The following TRIM54 variants were observed in gnomAD, a reference collection of about 807,000 sequenced individuals.
The protein encoded by TRIM54 is tripartite motif containing 54.
TRIM54 carries 40 observed loss-of-function variants against 42.0 expected under a neutral mutation model. That is an observed-to-expected ratio of 0.95 (90% CI 0.74 to 1.24). The LOEUF (loss-of-function observed/expected upper bound fraction) is 1.24. Ranked by LOEUF, TRIM54 falls within the 50% of genes most tolerant of loss-of-function variation. The pLI, the probability that TRIM54 is intolerant of heterozygous loss-of-function variation, is 0.00. For missense variants in TRIM54, 485 were observed against 480.3 expected, an observed-to-expected ratio of 1.01 and a Z score of -0.09; for synonymous variants, 199 against 194.9, an observed-to-expected ratio of 1.02 and a Z score of -0.17.
chr2:27,286,483 A>G (rs544486872), intron 1 of TRIM54, among the ~76,000 whole-genome samples: 27 of 152,280 alleles, frequency 1.8e-4, no homozygotes, highest in African/African-American at 6.5e-4. Context: ...AACTTCCACT[A>G]AAGGAAAGCT....
chr2:27,300,632 G>A (rs556360095), intron 3 of TRIM54, among the ~76,000 whole-genome samples: 17 of 95,526 alleles, frequency 1.8e-4, no homozygotes, highest in African/African-American at 7.6e-4. Flanking sequence ...TACTTTAGAA[G>A]AGCGAGGCAG....
intron 1 of TRIM54, among the ~76,000 whole-genome samples, chr2:27,296,070 A>G (rs989146387): frequency 7.2e-5 from 11 of 152,178 alleles, no homozygotes; most frequent in African/African-American, 2.4e-4. Flanking sequence ...GAAAGATGTG[A>G]TATTTATGGC....
chr2:27,307,181 T>C lies in TRIM54; in HGVS notation c.*296T>C. 5.4e-6 allele frequency: 2 copies of C among 368,568 alleles called. No individual in the cohort carries two copies. Among genetic ancestry groups the C allele is most frequent in the South Asian group, 2.7e-5 (1 of 36,852 alleles). The allele number at this position is 368,568 out of a possible 1,614,324, so 22.8% of individuals were successfully genotyped here. ...GAGCGAACTGGTGAGCCCAGCGCCC[T>C]GGGAAGAGGGCCGAGGGCGGGGCGG... On this transcript the variant is annotated 3_prime_UTR_variant, in exon 9 of 9. Transcript: ENST00000380075. The surrounding 1 kb of genome is among the most constrained non-coding windows in gnomAD (Gnocchi z 6.9).
intron 3 of TRIM54, chr2:27,299,675 C>CCTAT (rs112702645): frequency 0.39 from 227,015 of 577,744 alleles, 41,712 homozygotes; most frequent in African/African-American, 0.45. Context: ...CGCACTCAGC[C>CCTAT]CTATCTATCT....
chr2:27,290,719 C>T (rs1422931899), intron 1 of TRIM54, among the ~76,000 whole-genome samples: 1 of 152,148 alleles, frequency 6.6e-6, no homozygotes, highest in African/African-American at 2.4e-5. Context: ...AACTGTAATG[C>T]GATATGAAAA....
intron 1 of TRIM54, among the ~76,000 whole-genome samples, chr2:27,283,778 A>ATG (rs1377974860): frequency 9.8e-6 from 1 of 102,278 alleles, no homozygotes; most frequent in East Asian, 3.0e-4. Flanking sequence ...ACACACACAC[A>ATG]CGCGCGCACA....
chr2:27,305,776 A>G lies in TRIM54; in HGVS notation c.802A>G (p.Ile268Val). 6.2e-7 allele frequency: 1 copy of G among 1,610,666 alleles called. No individual in the cohort carries two copies. Among genetic ancestry groups the G allele is most frequent in the Non-Finnish European group, 8.5e-7 (1 of 1,178,490 alleles). ...CTCCTCTAAGCTGGTGGAGTCTGCCATCCAGTCCATGGAAGAGCCACAAAT... is the reference window on the plus strand; with the variant it reads ...CTCCTCTAAGCTGGTGGAGTCTGCCGTCCAGTCCATGGAAGAGCCACAAAT... ...EASSKLVESAIQSMEEPQMAL... is the reference protein window; with the variant it reads ...EASSKLVESAVQSMEEPQMAL... Residue 268 changes from isoleucine to valine, a missense_variant, in exon 5 of 9, where the codon ATC becomes GTC. Physicochemically the swap from Ile to Val is conservative, Grantham distance 29. Transcript: ENST00000380075.
chr2:27,283,764 G>GCA (rs72401083), intron 1 of TRIM54, among the ~76,000 whole-genome samples: 2,397 of 117,880 alleles, frequency 0.02, 29 homozygotes, highest in Non-Finnish European at 0.029. Context: ...AGGGGCAAAG[G>GCA]CACACACACA....
In TRIM54 at chr2:27,306,706, CCCCCTAGGGCGGAAAAGTACA is replaced by C. The variant is rs1256722233; in HGVS notation, c.*1+166_*2-159del. Among the ~76,000 whole-genome samples the C allele has an allele frequency of 6.6e-6, 1 of 152,188 alleles. No individual in the cohort carries two copies. The highest frequency in any genetic ancestry group is 2.4e-5 in the African/African-American group (1 of 41,454). Reference sequence around the variant, plus strand: ...CCAACCCCGGAGCCACAAAGGCGCGCCCCCTAGGGCGGAAAAGTACACTTTCCTCCTCACCCGCTGTTCCTC... The same window carrying C: ...CCAACCCCGGAGCCACAAAGGCGCGCCTTTCCTCCTCACCCGCTGTTCCTC... On this transcript the variant is annotated intron_variant, in intron 8 of 8. Coordinates refer to ENST00000380075, the MANE Select transcript of TRIM54 (RefSeq NM_187841.3). The surrounding 1 kb of genome is among the most constrained non-coding windows in gnomAD (Gnocchi z 6.1).
At chr2:27,283,795 C>CACACACACAG (rs1163992415) in intron 1 of TRIM54, among the ~76,000 whole-genome samples, 1 of 150,440 alleles carries the variant, frequency 6.6e-6, no homozygotes, top group Admixed American at 6.6e-5. Flanking sequence ...CACACACACA[C>CACACACACAG]ACACACACAC....
chr2:27,291,976 C>T (rs947712188), intron 1 of TRIM54, among the ~76,000 whole-genome samples: 3 of 152,186 alleles, frequency 2.0e-5, no homozygotes, highest in Non-Finnish European at 4.4e-5. Flanking sequence ...CTCTCCCCAC[C>T]GCCCTGCACC....
intron 1 of TRIM54, among the ~76,000 whole-genome samples, chr2:27,297,247 C>T (rs988780289): frequency 7.2e-5 from 11 of 152,322 alleles, no homozygotes; most frequent in East Asian, 5.8e-4. Context: ...CCAGGGTGGC[C>T]GTGATGTCAG....
intron 1 of TRIM54, among the ~76,000 whole-genome samples, chr2:27,292,522 G>C (rs925228045): frequency 1.3e-5 from 2 of 152,188 alleles, no homozygotes; most frequent in African/African-American, 4.8e-5. Flanking sequence ...CAGAGAGAGA[G>C]ATCTTGTCTC....
chr2:27,293,337 T>G (rs1025490353), intron 1 of TRIM54, among the ~76,000 whole-genome samples: 1 of 152,214 alleles, frequency 6.6e-6, no homozygotes, highest in Non-Finnish European at 1.5e-5. Context: ...GTTCTGTGCC[T>G]TCTTTGGTGA....
Position 27,298,644 on chromosome 2 carries a change from G to A in TRIM54, c.246G>A (p.Arg82=), listed in dbSNP as rs1297131392. 4 of 1,614,070 alleles carry A rather than the reference G, an allele frequency of 2.5e-6. No individual in the cohort carries two copies. In the African/African-American group the frequency reaches 5.3e-5, roughly 22 times the overall value. Reference sequence around the variant, plus strand: ...GCCGTTTCCGCTGCCCATCGTGCAGGCATGAGGTTGTCCTGGACAGACACG... The same window carrying A: ...GCCGTTTCCGCTGCCCATCGTGCAGACATGAGGTTGTCCTGGACAGACACG... ...SGGRFRCPSC[R]HEVVLDRHGV... is the part of the protein sequence containing the mutation. The change falls in exon 2 of 9, where the codon AGG becomes AGA. Residue 82 remains arginine (R), a synonymous_variant. Transcript: ENST00000380075.
chr2:27,299,219 A>C, intron 2 of TRIM54, 26 bp from the exon 3 acceptor site: 1 of 1,611,592 alleles, frequency 6.2e-7, no homozygotes, highest in East Asian at 2.2e-5. Flanking sequence ...CTTAAGGTCC[A>C]CCTCCCCCTG....
chr2:27,306,272 T>C lies in TRIM54; in HGVS notation c.926T>C (p.Met309Thr). The C allele has an allele frequency of 1.9e-6, 3 of 1,613,950 alleles. No homozygotes were observed. Among genetic ancestry groups the C allele is most frequent in the East Asian group, 2.2e-5 (1 of 44,854 alleles). ...CGGCCGGAGCCAGGCTATGAGAGCATGGAGCAATTCACCGTAAGGGTGGAG... is the reference window on the plus strand; with the variant it reads ...CGGCCGGAGCCAGGCTATGAGAGCACGGAGCAATTCACCGTAAGGGTGGAG... ...AGRPEPGYES[M>T]EQFTVRVEHV... Residue 309 changes from methionine (M) to threonine (T), a missense_variant, in exon 7 of 9, where the codon ATG becomes ACG. Met to Thr is a moderately conservative substitution (Grantham distance 81). Transcript: ENST00000380075. This position sits in a 1 kb window ranked among gnomAD's most constrained non-coding sequence, Gnocchi z 6.1.
At chr2:27,305,340 A>C in intron 4 of TRIM54, 1 of 586,432 alleles carries the variant, frequency 1.7e-6, no homozygotes, top group East Asian at 2.8e-5. Context: ...TCTTTTTGAG[A>C]ATTAAATGGA....
In TRIM54 at chr2:27,283,766, A is replaced by ACACACGCACGCGCGCGCG. The variant is rs1164806717; in HGVS notation, c.168+872_168+873insGCACGCGCGCGCGCACAC. On this transcript the variant is annotated intron_variant, in intron 1 of 8. Coordinates refer to ENST00000380075, the MANE Select transcript of TRIM54 (RefSeq NM_187841.3). The stretch of plus-strand genomic sequence containing the variant: ...ATCAGGGAGAGTGAGGGGCAAAGGC[A>ACACACGCACGCGCGCGCG]CACACACACACACGCGCGCACACAC... 4.6e-3 allele frequency among the ~76,000 whole-genome samples: 407 copies of ACACACGCACGCGCGCGCG among 88,674 alleles called. 4 individuals carry two copies. The highest frequency in any genetic ancestry group is 0.01 in the Admixed American group (87 of 8,428). 58.2% of individuals were successfully genotyped at this position (88,674 alleles called of 152,430 possible). A position where few individuals can be genotyped will look rare whatever the true frequency, so the allele number is the denominator to read the frequency against.
Sources: allele counts gnomAD v4.1 joint callset (sites outside exome capture counted in the v4.1 genomes callset), GRCh38; gene constraint gnomAD v4.1.1; non-coding constraint Gnocchi (gnomAD v3.1); transcripts MANE v1.5; gene names NCBI Gene and HGNC (gene_info 2026-07-23, HGNC 2026-07-21).